The following TRAF6 variants were observed in gnomAD, a reference collection of about 807,000 sequenced individuals.
The protein encoded by TRAF6 is TNF receptor-associated factor 6.
Under a neutral mutation model 48.4 loss-of-function variants are expected in TRAF6, and 10 were observed. The observed-to-expected ratio is 0.21, with a 90% CI of 0.13 to 0.35. The LOEUF (loss-of-function observed/expected upper bound fraction) is 0.35, where lower values mean the gene tolerates loss of function less well. Ranked by LOEUF, TRAF6 falls within the 10% of genes least tolerant of loss-of-function variation. TRAF6 has a pLI of 1.00. For synonymous variants in TRAF6, 186 were observed against 219.6 expected (o/e 0.85, Z 1.35); for missense variants, 397 against 661.0 (o/e 0.60, Z 4.38).
At chr11:36,494,087 G>A (rs1859596969) in intron 5 of TRAF6, among the ~76,000 whole-genome samples, 1 of 152,136 alleles carries the variant, frequency 6.6e-6, no homozygotes, top group African/African-American at 2.4e-5. Context: ...TCTTTGGGCT[G>A]GGCTTGGTGG....
chr11:36,498,799 T>C (rs1193390924), intron 2 of TRAF6, among the ~76,000 whole-genome samples, 159 bp from the exon 3 acceptor site: 2 of 152,232 alleles, frequency 1.3e-5, no homozygotes, highest in African/African-American at 4.8e-5. Flanking sequence ...TGTCCTTTTA[T>C]GGAGAGCTTA....
chr11:36,498,589 T>G lies in TRAF6; in HGVS notation c.348A>C (p.Gln116His), dbSNP rs552722556. The G allele has an allele frequency of 6.2e-7, 1 of 1,613,618 alleles. No individual in the cohort carries two copies. The highest frequency in any genetic ancestry group is 8.5e-7 in the Non-Finnish European group (1 of 1,179,866). Reference protein sequence around the residue: ...PVDNEILLENQLFPDNFAKRE... With the variant: ...PVDNEILLENHLFPDNFAKRE... ...GTTTTGCAAAATTGTCTGGAAATAGTTGATTTTCCAGCAGTATTTCATTGT... is the reference window on the plus strand; with the variant it reads ...GTTTTGCAAAATTGTCTGGAAATAGGTGATTTTCCAGCAGTATTTCATTGT... Residue 116 changes from glutamine (Q) to histidine (H), a missense_variant, in exon 3 of 7, where the codon CAA becomes CAC. Physicochemically the swap from Gln to His is conservative, Grantham distance 24. Coordinates refer to ENST00000526995, the MANE Select transcript of TRAF6 (RefSeq NM_004620.4).
At position 36,488,386 on chromosome 11, in the gene TRAF6, T is replaced by C. The variant is rs1360566911; in HGVS notation, c.*1452A>G. 1 of 152,790 alleles carries C rather than the reference T, an allele frequency of 6.5e-6. No individual in the cohort carries two copies. Among genetic ancestry groups the C allele is most frequent in the African/African-American group, 2.4e-5 (1 of 41,446 alleles). 9.5% of individuals were successfully genotyped at this position (152,790 alleles called of 1,614,324 possible). A position where few individuals can be genotyped will look rare whatever the true frequency, so the allele number is the denominator to read the frequency against. On this transcript the variant is annotated 3_prime_UTR_variant, in exon 7 of 7. Transcript: ENST00000526995. ...GCTGGGGCTGAAAACCACACTCCCC[T>C]GCAGATGAGGTCCTTGGCTTTCTCT... is the stretch of plus-strand genomic sequence containing the variant.
intron 5 of TRAF6, 120 bp from the exon 6 acceptor site, chr11:36,492,748 G>C (rs1859581124): frequency 1.4e-6 from 1 of 710,070 alleles, no homozygotes. Flanking sequence ...AGTTGAATAG[G>C]TGCAGCATAA....
intron 5 of TRAF6, 136 bp from the exon 6 acceptor site, chr11:36,492,764 C>A (rs1859581453): frequency 1.3e-5 from 8 of 614,728 alleles, no homozygotes; most frequent in Admixed American, 2.9e-5. Context: ...CATAAACCAT[C>A]ACCCACAAAA....
In TRAF6 at chr11:36,489,643, G is replaced by C; in HGVS notation, c.*195C>G. 1.6e-6 allele frequency: 1 copy of C among 638,532 alleles called. No homozygotes were observed. Among genetic ancestry groups the C allele is most frequent in the Non-Finnish European group, 2.7e-6 (1 of 374,558 alleles). The allele number at this position is 638,532 out of a possible 1,614,324, so 39.6% of individuals were successfully genotyped here. ...GGCCTAACATTTCTGAAAAAGCATG[G>C]AACGTGTGGATTCCCAGGAAAAAAC... On this transcript the variant is annotated 3_prime_UTR_variant, in exon 7 of 7. Coordinates refer to ENST00000526995, the MANE Select transcript of TRAF6 (RefSeq NM_004620.4).
intron 4 of TRAF6, among the ~76,000 whole-genome samples, chr11:36,495,748 C>T (rs1166945493): frequency 1.3e-5 from 2 of 151,944 alleles, no homozygotes; most frequent in Admixed American, 6.6e-5. Context: ...CAAAATTAGC[C>T]GGGCATGGTG....
At chr11:36,498,868 A>C (rs899470837) in intron 2 of TRAF6, among the ~76,000 whole-genome samples, 1 of 152,250 alleles carries the variant, frequency 6.6e-6, no homozygotes, top group African/African-American at 2.4e-5. Flanking sequence ...TCAAAAGCTA[A>C]GGGATTTTTA....
chr11:36,500,765 G>C (rs997526948), intron 2 of TRAF6, among the ~76,000 whole-genome samples: 3 of 151,848 alleles, frequency 2.0e-5, no homozygotes, highest in Non-Finnish European at 4.4e-5. Context: ...TAAAAATACT[G>C]GTAATTTTAC....
At position 36,489,798 on chromosome 11, in the gene TRAF6, G is replaced by C. The variant is rs1229333161; in HGVS notation, c.*40C>G. 6.4e-7 allele frequency: 1 copy of C among 1,574,218 alleles called. No homozygotes were observed. The highest frequency in any genetic ancestry group is 1.8e-5 in the Admixed American group (1 of 56,050). The stretch of plus-strand genomic sequence containing the variant: ...TGAGAACAGGGCAAGGAAAGGCACT[G>C]TTTTCTCCAGGTAGTTGTTTTTGAG... On this transcript the variant is annotated 3_prime_UTR_variant, in exon 7 of 7. Transcript: ENST00000526995.
At chr11:36,494,532 TCTC>T (rs1401747806) in intron 5 of TRAF6, among the ~76,000 whole-genome samples, 14 of 152,102 alleles carry the variant, frequency 9.2e-5, no homozygotes, top group Non-Finnish European at 1.6e-4. Context: ...CAAATATTAT[TCTC>T]CTACTGAACA....
chr11:36,487,661 C>T lies in TRAF6; in HGVS notation c.*2177G>A, dbSNP rs943602502. ...GAGGGGACTCTAGAAATATCTGGTC[C>T]AAATCATTTTACAGATGGGAAGCTT... On this transcript the variant is annotated 3_prime_UTR_variant, in exon 7 of 7. Transcript: ENST00000526995. 3.3e-5 allele frequency: 5 copies of T among 152,042 alleles called. No homozygotes were observed. The highest frequency in any genetic ancestry group is 6.5e-5 in the Admixed American group (1 of 15,280). 9.4% of individuals were successfully genotyped at this position (152,042 alleles called of 1,614,324 possible).
At chr11:36,502,471 AC>A (rs1859731022) in intron 1 of TRAF6, among the ~76,000 whole-genome samples, 2 of 152,262 alleles carry the variant, frequency 1.3e-5, no homozygotes, top group South Asian at 4.1e-4. Context: ...TTAAATAATT[AC>A]TTTTGAAAAA....
At chr11:36,507,871 T>G (rs1165514076) in intron 1 of TRAF6, among the ~76,000 whole-genome samples, 2 of 148,728 alleles carry the variant, frequency 1.3e-5, no homozygotes, top group East Asian at 4.0e-4. Context: ...CACACTTTTT[T>G]TTTTGTCAGG....
At chr11:36,501,173 G>C (rs1339672782) in intron 2 of TRAF6, 47 bp downstream of exon 2, 2 of 1,475,610 alleles carry the variant, frequency 1.4e-6, no homozygotes, top group South Asian at 1.4e-5. Context: ...AATGTTCTCT[G>C]CATCTGGTTC....
Position 36,510,092 on chromosome 11 carries a change from C to T in TRAF6, c.-67G>A, listed in dbSNP as rs1475276290. On this transcript the variant is annotated 5_prime_UTR_variant, in exon 1 of 7. Coordinates refer to ENST00000526995, the MANE Select transcript of TRAF6 (RefSeq NM_004620.4). The stretch of plus-strand genomic sequence containing the variant: ...GCCGAACCAGGAGGGCAGGGCTCCC[C>T]CACCAACCGCACGACTCCGCTCAGC... 1 of 152,384 alleles carries T rather than the reference C, an allele frequency of 6.6e-6. No homozygotes were observed. The highest frequency in any genetic ancestry group is 2.4e-5 in the African/African-American group (1 of 41,434). The allele number at this position is 152,384 out of a possible 1,614,324, so 9.4% of individuals were successfully genotyped here. A position where few individuals can be genotyped will look rare whatever the true frequency, so the allele number is the denominator to read the frequency against.
At chr11:36,504,009 A>G (rs5030429) in intron 1 of TRAF6, among the ~76,000 whole-genome samples, 1,897 of 152,354 alleles carry the variant, frequency 0.012, 45 homozygotes, top group African/African-American at 0.043. Context: ...CTAAAAAGAC[A>G]ATGTATATAC....
rs1375465182 is a variant in TRAF6, at chr11:36,510,064, G to C, written c.-39C>G. 6.6e-6 allele frequency: 1 copy of C among 152,368 alleles called. No homozygotes were observed. Among genetic ancestry groups the C allele is most frequent in the African/African-American group, 2.4e-5 (1 of 41,468 alleles). The allele number at this position is 152,368 out of a possible 1,614,324, so 9.4% of individuals were successfully genotyped here. ...GAGACTCACCGTTCTAGTGCGCGGG[G>C]AGGCCGAACCAGGAGGGCAGGGCTC... is the stretch of plus-strand genomic sequence containing the variant. On this transcript the variant is annotated 5_prime_UTR_variant, in exon 1 of 7. Transcript: ENST00000526995.
intron 2 of TRAF6, among the ~76,000 whole-genome samples, chr11:36,500,903 G>C (rs1248640824): frequency 6.6e-6 from 1 of 151,640 alleles, no homozygotes; most frequent in African/African-American, 2.4e-5. Flanking sequence ...CATAATTTAA[G>C]GTACATTTAA....
Sources: gnomAD v4.1 joint callset for allele counts (sites outside exome capture counted in the v4.1 genomes callset) on GRCh38, gnomAD v4.1.1 for gene constraint, MANE v1.5 for transcripts, NCBI Gene and HGNC (gene_info 2026-07-23, HGNC 2026-07-21) for gene names.